DNAH9: variants seen among roughly 807,000 people sequenced by gnomAD.
DNAH9 encodes the protein DNAH9 variant protein.
A neutral mutation model predicts 471.6 loss-of-function variants in DNAH9; 345 were observed. The observed-to-expected ratio is 0.73, with a 90% CI of 0.67 to 0.80. The LOEUF (loss-of-function observed/expected upper bound fraction) is 0.80. Ranked by LOEUF, DNAH9 falls within the 30% of genes least tolerant of loss-of-function variation. DNAH9 has a pLI of 0.00. For synonymous variants in DNAH9, 2,093 were observed against 2,123.6 expected (o/e 0.99, Z 0.40); for missense variants, 5,407 against 5,609.2 (o/e 0.96, Z 1.15).
At position 11,747,612 on chromosome 17, in the gene DNAH9, C is replaced by T. The variant is rs1241067480; in HGVS notation, c.6456C>T (p.Gly2152=). 1.5e-5 allele frequency: 24 copies of T among 1,613,856 alleles called. No homozygotes were observed. The South Asian group carries it at 2.2e-4, about 15-fold the overall frequency. The change falls in exon 32 of 69, where the codon GGC becomes GGT. Residue 2152 remains glycine (G), a synonymous_variant. Coordinates refer to ENST00000262442, the MANE Select transcript of DNAH9 (RefSeq NM_001372.4). ...GGCACTCTGTATTTGTGGTGGGTGG[C>T]GCTGGTACCGGCAAGTCACAGGTGC... ...AVRHSVFVVG[G]AGTGKSQVLR... is the part of the protein sequence containing the mutation.
chr17:11,756,532 C>T (rs764435142), intron 33 of DNAH9, 36 bp from the exon 34 acceptor site: 1 of 1,263,892 alleles, frequency 7.9e-7, no homozygotes, highest in African/African-American at 1.5e-5. Context: ...CACCTCCCTC[C>T]TTCCTCACTG....
chr17:11,861,074 G>A (rs987448392), intron 50 of DNAH9, among the ~76,000 whole-genome samples: 1 of 147,110 alleles, frequency 6.8e-6, no homozygotes, highest in African/African-American at 2.5e-5. Flanking sequence ...TGTGCACAAT[G>A]TGCAGGTTAG....
chr17:11,875,352 G>C (rs1204516872), intron 53 of DNAH9, among the ~76,000 whole-genome samples, 168 bp downstream of exon 53: 1 of 152,094 alleles, frequency 6.6e-6, no homozygotes, highest in Non-Finnish European at 1.5e-5. Flanking sequence ...AAAGATGCCT[G>C]GGTACTAAGT....
At chr17:11,967,194 C>A (rs1351952702) in intron 68 of DNAH9, among the ~76,000 whole-genome samples, 2 of 151,952 alleles carry the variant, frequency 1.3e-5, no homozygotes, top group African/African-American at 4.8e-5. Context: ...GCAGCCTCAA[C>A]TTCCTGGGCT....
chr17:11,807,679 C>T (rs1969741029), intron 43 of DNAH9, 53 bp from the exon 44 acceptor site: 2 of 1,557,604 alleles, frequency 1.3e-6, no homozygotes, highest in Non-Finnish European at 1.7e-6. Flanking sequence ...ATACATGCTT[C>T]TGACTGCAGA....
intron 45 of DNAH9, among the ~76,000 whole-genome samples, chr17:11,820,898 G>A (rs1970283036): frequency 6.6e-6 from 1 of 152,108 alleles, no homozygotes; most frequent in African/African-American, 2.4e-5. Context: ...CCCACTCAGA[G>A]ATTATTTCCC....
At chr17:11,963,454 A>G (rs1008054939) in intron 68 of DNAH9, among the ~76,000 whole-genome samples, 4 of 151,832 alleles carry the variant, frequency 2.6e-5, no homozygotes, top group Non-Finnish European at 5.9e-5. Context: ...AAAAGAAGAC[A>G]ACGACCACAT....
At chr17:11,729,024 C>T (rs1430644414) in intron 28 of DNAH9, among the ~76,000 whole-genome samples, 1 of 152,124 alleles carries the variant, frequency 6.6e-6, no homozygotes, top group Non-Finnish European at 1.5e-5. Flanking sequence ...GAGACAAGTT[C>T]GAACCCAATA....
At chr17:11,686,040 A>G (rs7207599) in intron 19 of DNAH9, among the ~76,000 whole-genome samples, 151,321 of 152,118 alleles carry the variant, frequency 0.99, 75,271 homozygotes, top group Middle Eastern at 1. Flanking sequence ...TCCTGACCTC[A>G]TGATCCACCC....
intron 61 of DNAH9, among the ~76,000 whole-genome samples, chr17:11,917,300 GCGCC>G (rs1257139412): frequency 6.6e-6 from 1 of 152,116 alleles, no homozygotes; most frequent in Non-Finnish European, 1.5e-5. Flanking sequence ...GGGATTACAG[GCGCC>G]CACCACCATT....
chr17:11,962,274 C>A lies in DNAH9; in HGVS notation c.13233+18C>A. On this transcript the variant is annotated intron_variant, in intron 68 of 68. Coordinates refer to ENST00000262442, the MANE Select transcript of DNAH9 (RefSeq NM_001372.4). The surrounding 1 kb of genome is among the most constrained non-coding windows in gnomAD (Gnocchi z 4.1). ...ACACACAGGTAAAGCTTGGAATGAA[C>A]CAAAGGGCAGCTTTCTGGGGGCTGA... 1 of 1,564,304 alleles carries A rather than the reference C, an allele frequency of 6.4e-7. No homozygotes were observed. The highest frequency in any genetic ancestry group is 8.6e-7 in the Non-Finnish European group (1 of 1,156,888).
intron 49 of DNAH9, among the ~76,000 whole-genome samples, chr17:11,850,665 AAAG>A (rs1369528283): frequency 1.5e-5 from 2 of 133,264 alleles, no homozygotes; most frequent in Non-Finnish European, 3.3e-5. Context: ...AAAAAAAAAA[AAAG>A]TTTCTTCCAG....
At chr17:11,670,661 G>GTAAT (rs1353509378) in intron 17 of DNAH9, among the ~76,000 whole-genome samples, 5 of 151,906 alleles carry the variant, frequency 3.3e-5, no homozygotes, top group Admixed American at 2.6e-4. Context: ...TTTTCCAAGG[G>GTAAT]TAATGTTCAA....
chr17:11,743,833 A>ATT lies in DNAH9; in HGVS notation c.6112-951_6112-950dup, dbSNP rs113809412. Among the ~76,000 whole-genome samples the ATT allele has an allele frequency of 8.3e-3, 1,192 of 142,958 alleles. 22 individuals carry two copies. The highest frequency in any genetic ancestry group is 0.029 in the African/African-American group (1,138 of 38,958). The allele number at this position is 142,958 out of a possible 152,430, so 93.8% of individuals were successfully genotyped here. A position where few individuals can be genotyped will look rare whatever the true frequency, so the allele number is the denominator to read the frequency against. ...GCATAGCACATTTTTCCTTGGCTGCATTTTTTTTTTTTTTGAGATGGAGTC... is the reference window on the plus strand; with the variant it reads ...GCATAGCACATTTTTCCTTGGCTGCATTTTTTTTTTTTTTTTGAGATGGAGTC... On this transcript the variant is annotated intron_variant, in intron 30 of 68. Coordinates refer to ENST00000262442, the MANE Select transcript of DNAH9 (RefSeq NM_001372.4).
chr17:11,733,860 C>A (rs539435931), intron 28 of DNAH9, among the ~76,000 whole-genome samples: 122 of 113,100 alleles, frequency 1.1e-3, no homozygotes, highest in African/African-American at 2.5e-3. Context: ...GACTCCATCT[C>A]AAAAAAAAAA....
chr17:11,945,311 T>C (rs1597860058), intron 67 of DNAH9, among the ~76,000 whole-genome samples: 1 of 151,654 alleles, frequency 6.6e-6, no homozygotes, highest in African/African-American at 2.4e-5. Context: ...CCGAGGCAGG[T>C]GGATTGCTTA....
At chr17:11,607,594 G>A (rs762050295) in intron 1 of DNAH9, among the ~76,000 whole-genome samples, 89 of 152,008 alleles carry the variant, frequency 5.9e-4, no homozygotes, top group Non-Finnish European at 4.1e-4. Context: ...TTCTGAGATG[G>A]AGTCTTACTC....
chr17:11,651,199 C>T lies in DNAH9; in HGVS notation c.2228C>T (p.Ala743Val). Residue 743 changes from alanine to valine, a missense_variant, in exon 13 of 69, where the codon GCA becomes GTA. By Grantham distance (64) the Ala-to-Val change is moderately conservative. Coordinates refer to ENST00000262442, the MANE Select transcript of DNAH9 (RefSeq NM_001372.4). ...CTTGTGGCTAATTTAGAGTTGATGG[C>T]AAATTGGTACAACAAGGTTATGAAA... ...RQLVANLELM[A>V]NWYNKVMKTL... The T allele has an allele frequency of 6.2e-7, 1 of 1,614,030 alleles. No homozygotes were observed. The highest frequency in any genetic ancestry group is 8.5e-7 in the Non-Finnish European group (1 of 1,179,998).
chr17:11,937,870 C>G lies in DNAH9; in HGVS notation c.12660+348C>G, dbSNP rs190733658. 1.2e-4 allele frequency among the ~76,000 whole-genome samples: 19 copies of G among 152,266 alleles called. No homozygotes were observed. The highest frequency in any genetic ancestry group is 9.2e-4 in the Admixed American group (14 of 15,288). On this transcript the variant is annotated intron_variant, in intron 66 of 68. Coordinates refer to ENST00000262442, the MANE Select transcript of DNAH9 (RefSeq NM_001372.4). This position sits in a 1 kb window ranked among gnomAD's most constrained non-coding sequence, Gnocchi z 4.1. ...AACCTTGAATGTGACTTCTTGATCC[C>G]CTGGCAAACCAAGCAAGGATGGGTA...
Sources: gnomAD v4.1 joint callset for allele counts (sites outside exome capture counted in the v4.1 genomes callset) on GRCh38, gnomAD v4.1.1 for gene constraint, Gnocchi (gnomAD v3.1) non-coding constraint, MANE v1.5 for transcripts, NCBI Gene and HGNC (gene_info 2026-07-23, HGNC 2026-07-21) for gene names.